Variants in MAST4 observed in about 807,000 individuals in gnomAD.
The protein encoded by MAST4 is microtubule associated serine/threonine kinase family member 4, also known as microtubule-associated serine/threonine-protein kinase 4.
In MAST4, 89 loss-of-function variants were observed where a neutral mutation model predicts 162.7. The ratio of observed to expected loss-of-function variants is 0.55; its 90% CI spans 0.46 to 0.65. MAST4 has a LOEUF of 0.65. MAST4 is among the 30% of genes least tolerant of loss of function. The probability of loss-of-function intolerance (pLI) is 0.00; values close to 1 mark genes in which losing one functional copy is unlikely to be tolerated. For synonymous variants in MAST4, 1,479 were observed against 1,361.1 expected, an observed-to-expected ratio of 1.09 and a Z score of -1.91; for missense variants, 3,153 against 3,374.0, an observed-to-expected ratio of 0.93 and a Z score of 1.62.
intron 4 of MAST4, among the ~76,000 whole-genome samples, chr5:67,017,004 A>G (rs571542951): frequency 3.0e-4 from 45 of 152,218 alleles, no homozygotes; most frequent in Non-Finnish European, 4.1e-4. Context: ...TAAAAAATGT[A>G]ATAATTCGTC....
intron 1 of MAST4, among the ~76,000 whole-genome samples, chr5:66,602,505 C>T (rs555519600): frequency 1.9e-3 from 285 of 151,100 alleles, no homozygotes; most frequent in Middle Eastern, 6.8e-3. Flanking sequence ...GGAGTCCAGG[C>T]GGATTTTTTT....
At chr5:66,662,229 AACAC>A (rs1172540472) in intron 1 of MAST4, 6 of 152,136 alleles carry the variant, frequency 3.9e-5, no homozygotes, top group Non-Finnish European at 8.8e-5. Context: ...ATTTAAAAAA[AACAC>A]ACACAACACT....
intron 1 of MAST4, among the ~76,000 whole-genome samples, chr5:66,715,689 A>T (rs890703780): frequency 7.4e-5 from 11 of 148,580 alleles, no homozygotes; most frequent in East Asian, 2.0e-4. Context: ...AATAAAAATT[A>T]AAAAAAAAAT....
Position 66,596,628 on chromosome 5 carries a change from C to T in MAST4, c.-28C>T, listed in dbSNP as rs1391128340. 1.4e-6 allele frequency: 2 copies of T among 1,404,174 alleles called. No homozygotes were observed. Among genetic ancestry groups the T allele is most frequent in the Non-Finnish European group, 1.8e-6 (2 of 1,081,502 alleles). 87.0% of individuals were successfully genotyped at this position (1,404,174 alleles called of 1,614,324 possible). A position where few individuals can be genotyped will look rare whatever the true frequency, so the allele number is the denominator to read the frequency against. ...GAGTGCGCGCCGCGCCCCCGCCGCT[C>T]GGGAGGCACTTTGGGCCAGACAGGG... is the stretch of plus-strand genomic sequence containing the variant. On this transcript the variant is annotated 5_prime_UTR_variant, in exon 1 of 29. Transcript: ENST00000403625.
chr5:66,676,597 A>T (rs1020632809), intron 1 of MAST4, among the ~76,000 whole-genome samples: 2 of 152,216 alleles, frequency 1.3e-5, no homozygotes, highest in African/African-American at 4.8e-5. Context: ...GCAATATGAG[A>T]CAGTAAATAT....
At chr5:67,102,200 A>C (rs1486146862) in intron 8 of MAST4, among the ~76,000 whole-genome samples, 1 of 152,064 alleles carries the variant, frequency 6.6e-6, no homozygotes, top group East Asian at 1.9e-4. Context: ...GCAGTTTGTT[A>C]ATTGTTTTCC....
intron 4 of MAST4, among the ~76,000 whole-genome samples, chr5:67,019,766 C>T (rs1163124987): frequency 6.6e-6 from 1 of 152,098 alleles, no homozygotes; most frequent in African/African-American, 2.4e-5. Flanking sequence ...ATATGGACAT[C>T]TAAGTTCTAT....
chr5:66,600,606 A>G (rs1205496106), intron 1 of MAST4, among the ~76,000 whole-genome samples: 1 of 152,258 alleles, frequency 6.6e-6, no homozygotes, highest in Non-Finnish European at 1.5e-5. Context: ...ATAGTTGCAC[A>G]TTTGATTGAA....
Position 66,640,454 on chromosome 5 carries a change from C to T in MAST4, c.363+43436C>T, listed in dbSNP as rs890559803. ...TCCCCAGTAGCTGGGACTACAGGCA[C>T]CCGCCTCCACGCCTGGCTAATTTTT... On this transcript the variant is annotated intron_variant, in intron 1 of 28. Coordinates refer to ENST00000403625, the MANE Select transcript of MAST4 (RefSeq NM_001164664.2). 2.0e-5 allele frequency among the ~76,000 whole-genome samples: 3 copies of T among 152,088 alleles called. No individual in the cohort carries two copies. The East Asian group carries it at 5.8e-4, about 29-fold the overall frequency.
At chr5:66,681,305 T>A (rs981631543) in intron 1 of MAST4, among the ~76,000 whole-genome samples, 2 of 152,174 alleles carry the variant, frequency 1.3e-5, no homozygotes, top group African/African-American at 4.8e-5. Flanking sequence ...CACTTATAAG[T>A]CACAAAGTGA....
intron 4 of MAST4, among the ~76,000 whole-genome samples, chr5:67,025,578 C>T (rs1407163532): frequency 6.6e-6 from 1 of 152,128 alleles, no homozygotes; most frequent in Non-Finnish European, 1.5e-5. Flanking sequence ...GAGTGAAAGG[C>T]TGACCCAGGT....
At chr5:66,963,072 G>T (rs1746214335) in intron 4 of MAST4, among the ~76,000 whole-genome samples, 1 of 152,040 alleles carries the variant, frequency 6.6e-6, no homozygotes, top group Non-Finnish European at 1.5e-5. Context: ...GGGAGTGGGG[G>T]GTCAGGGATT....
chr5:67,091,076 C>G (rs1763817145), intron 6 of MAST4, among the ~76,000 whole-genome samples: 1 of 151,902 alleles, frequency 6.6e-6, no homozygotes, highest in African/African-American at 2.4e-5. Context: ...CCTCAGAGAC[C>G]TAACTATATC....
intron 4 of MAST4, among the ~76,000 whole-genome samples, chr5:66,967,669 A>G (rs1343210310): frequency 6.6e-6 from 1 of 151,156 alleles, no homozygotes; most frequent in East Asian, 1.9e-4. Flanking sequence ...TCCATCTTGA[A>G]AATCTCACAC....
intron 4 of MAST4, among the ~76,000 whole-genome samples, chr5:66,909,840 G>T (rs147549102): frequency 6.6e-6 from 1 of 152,284 alleles, no homozygotes; most frequent in East Asian, 1.9e-4. Context: ...TCTCATGGTG[G>T]TGAATAAGTC....
chr5:66,733,713 C>T (rs1751998044), intron 1 of MAST4, among the ~76,000 whole-genome samples: 1 of 152,140 alleles, frequency 6.6e-6, no homozygotes, highest in Admixed American at 6.5e-5. Flanking sequence ...CCCACCTCGG[C>T]CTCCCAAAGT....
intron 1 of MAST4, among the ~76,000 whole-genome samples, chr5:66,612,392 T>TC (rs1743347606): frequency 6.6e-6 from 1 of 152,130 alleles, no homozygotes; most frequent in Non-Finnish European, 1.5e-5. Context: ...GGTTTGGGAC[T>TC]CCCCCGAGTA....
At chr5:66,883,447 T>TA (rs1466772567) in intron 3 of MAST4, among the ~76,000 whole-genome samples, 63 of 114,066 alleles carry the variant, frequency 5.5e-4, no homozygotes, top group Admixed American at 3.8e-3. Context: ...TTTTTTTTTT[T>TA]AGATGGAGTC....
intron 1 of MAST4, among the ~76,000 whole-genome samples, chr5:66,647,738 C>A (rs1439590873): frequency 6.6e-6 from 1 of 152,096 alleles, no homozygotes; most frequent in Admixed American, 6.6e-5. Context: ...TATATACTCA[C>A]ACCTGGCCAG....
Sources: allele counts gnomAD v4.1 joint callset (sites outside exome capture counted in the v4.1 genomes callset), GRCh38; gene constraint gnomAD v4.1.1; transcripts MANE v1.5; gene names NCBI Gene and HGNC (gene_info 2026-07-23, HGNC 2026-07-21).